DLC1: variants seen among roughly 807,000 people sequenced by gnomAD.
DLC1 encodes the protein rho GTPase-activating protein 7.
In DLC1, 54 loss-of-function variants were observed where a neutral mutation model predicts 140.3. The observed-to-expected ratio is 0.38, with a 90% CI of 0.31 to 0.48. The LOEUF is 0.48. Ranked by LOEUF, DLC1 falls within the 20% of genes least tolerant of loss-of-function variation. The pLI is 0.96. For synonymous variants in DLC1, 986 were observed against 728.1 expected, an observed-to-expected ratio of 1.35 and a Z score of -5.70; for missense variants, 2,536 against 1,907.0, an observed-to-expected ratio of 1.33 and a Z score of -6.14.
At position 13,501,780 on chromosome 8, in the gene DLC1, G is replaced by A. The variant is rs147236451; in HGVS notation, c.-125-1584C>T. On this transcript the variant is annotated intron_variant, in intron 1 of 17. Transcript: ENST00000276297. ...CAGCCTTCACATTTTCCATGTTGAC[G>A]TTCACTCTGCACTCAAAAGAAAATA... 1.6e-4 allele frequency among the ~76,000 whole-genome samples: 25 copies of A among 152,186 alleles called. No homozygotes were observed. In the East Asian group the frequency reaches 4.6e-3, roughly 28 times the overall value.
chr8:13,118,118 T>A (rs1011751124), intron 5 of DLC1, among the ~76,000 whole-genome samples: 4 of 150,098 alleles, frequency 2.7e-5, no homozygotes, highest in African/African-American at 9.9e-5. Context: ...CAAATGATCC[T>A]CCCACCTCCG....
At chr8:13,399,368 C>T (rs763492331) in intron 3 of DLC1, among the ~76,000 whole-genome samples, 1 of 152,138 alleles carries the variant, frequency 6.6e-6, no homozygotes, top group Admixed American at 6.6e-5. Flanking sequence ...CAAATCTCAC[C>T]TGCTGGGTGA....
intron 5 of DLC1, among the ~76,000 whole-genome samples, chr8:13,257,082 G>C (rs532765364): frequency 3.3e-5 from 5 of 151,982 alleles, no homozygotes; most frequent in Non-Finnish European, 7.4e-5. Context: ...TCGAGACCAA[G>C]TTCCACCCTA....
intron 6 of DLC1, among the ~76,000 whole-genome samples, chr8:13,112,002 T>G (rs905652318): frequency 1.3e-5 from 2 of 151,698 alleles, no homozygotes; most frequent in African/African-American, 4.8e-5. Context: ...CTAAAAAAAT[T>G]TTACTGGGCA....
intron 4 of DLC1, among the ~76,000 whole-genome samples, chr8:13,311,919 T>C (rs1012697612): frequency 1.3e-5 from 2 of 152,162 alleles, no homozygotes; most frequent in Non-Finnish European, 2.9e-5. Flanking sequence ...GACTCTGTCT[T>C]CAACAAATCC....
intron 4 of DLC1, among the ~76,000 whole-genome samples, chr8:13,318,924 G>A (rs1307514955): frequency 6.6e-6 from 1 of 152,202 alleles, no homozygotes; most frequent in East Asian, 1.9e-4. Flanking sequence ...TCACCAGACA[G>A]ATTGAATGCT....
intron 1 of DLC1, among the ~76,000 whole-genome samples, chr8:13,543,639 T>TAC (rs1803558497): frequency 6.6e-6 from 1 of 152,214 alleles, no homozygotes; most frequent in Non-Finnish European, 1.5e-5. Flanking sequence ...TTTATATATA[T>TAC]ACCAGAGAAT....
intron 4 of DLC1, among the ~76,000 whole-genome samples, chr8:13,319,643 T>C (rs1000174203): frequency 6.6e-6 from 1 of 152,040 alleles, no homozygotes; most frequent in African/African-American, 2.4e-5. Flanking sequence ...GATTGTCAGT[T>C]TCTTGAGACC....
rs200774562 is a variant in DLC1, at chr8:13,393,134, GTCCA to G, written c.1314+415_1314+418del. Among the ~76,000 whole-genome samples, 218 of 151,494 alleles carry G rather than the reference GTCCA, an allele frequency of 1.4e-3. 1 individual carries two copies. The highest frequency in any genetic ancestry group is 2.4e-3 in the Non-Finnish European group (162 of 67,852). ...TCCTTATCAATCAATCAGTCTATCTGTCCATCCATCCATCCATCCATCCATCCAT... is the reference window on the plus strand; with the variant it reads ...TCCTTATCAATCAATCAGTCTATCTGTCCATCCATCCATCCATCCATCCAT... On this transcript the variant is annotated intron_variant, in intron 4 of 17. Coordinates refer to ENST00000276297, the MANE Select transcript of DLC1 (RefSeq NM_182643.3).
intron 4 of DLC1, among the ~76,000 whole-genome samples, chr8:13,357,680 C>T (rs1318045881): frequency 2.0e-5 from 3 of 152,210 alleles, no homozygotes; most frequent in Admixed American, 2.0e-4. Context: ...TTTCATGAGT[C>T]AAATCCCAAT....
intron 2 of DLC1, among the ~76,000 whole-genome samples, chr8:13,422,762 T>C (rs137867593): frequency 1.3e-5 from 2 of 151,862 alleles, no homozygotes; most frequent in East Asian, 1.9e-4. Flanking sequence ...AAGGAGTTGA[T>C]ACTACATCTG....
At chr8:13,093,384 A>C (rs191536033) in intron 12 of DLC1, among the ~76,000 whole-genome samples, 3 of 152,308 alleles carry the variant, frequency 2.0e-5, no homozygotes, top group African/African-American at 7.2e-5. Context: ...AACTGAACTG[A>C]AAATATTCAG....
chr8:13,112,641 A>G (rs2128948406), intron 6 of DLC1, among the ~76,000 whole-genome samples: 1 of 152,376 alleles, frequency 6.6e-6, no homozygotes, highest in East Asian at 1.9e-4. Context: ...CTGGAGCACT[A>G]GTAAATGAGG....
chr8:13,433,963 C>T (rs776308740), intron 2 of DLC1, among the ~76,000 whole-genome samples: 2 of 152,298 alleles, frequency 1.3e-5, no homozygotes, highest in Middle Eastern at 6.8e-3. Flanking sequence ...TCAAGCAATT[C>T]TTCTGCCTCA....
At chr8:13,439,899 T>G (rs1798412890) in intron 2 of DLC1, among the ~76,000 whole-genome samples, 1 of 151,766 alleles carries the variant, frequency 6.6e-6, no homozygotes, top group African/African-American at 2.4e-5. Flanking sequence ...AGAAGTGAAA[T>G]TTTTTTTTCT....
chr8:13,484,777 G>A (rs982183966), intron 2 of DLC1, among the ~76,000 whole-genome samples: 1 of 151,836 alleles, frequency 6.6e-6, no homozygotes, highest in Non-Finnish European at 1.5e-5. Flanking sequence ...ACAGTCCCTG[G>A]AGGCCATCTG....
intron 5 of DLC1, among the ~76,000 whole-genome samples, chr8:13,146,572 A>C (rs1477901495): frequency 6.6e-6 from 1 of 151,904 alleles, no homozygotes; most frequent in Non-Finnish European, 1.5e-5. Context: ...TAGTAATTTG[A>C]TCTGTAAAGG....
chr8:13,288,676 T>A (rs918884787), intron 5 of DLC1, among the ~76,000 whole-genome samples: 3 of 152,202 alleles, frequency 2.0e-5, no homozygotes, highest in Non-Finnish European at 4.4e-5. Flanking sequence ...AGGTCTAGAA[T>A]AAGGAGATCC....
chr8:13,330,660 C>T (rs747625981), intron 4 of DLC1, among the ~76,000 whole-genome samples: 3 of 152,132 alleles, frequency 2.0e-5, no homozygotes, highest in Admixed American at 6.5e-5. Flanking sequence ...TGTTTCAAGG[C>T]CCAGGTCACA....
Sources: allele counts gnomAD v4.1 joint callset (sites outside exome capture counted in the v4.1 genomes callset), GRCh38; gene constraint gnomAD v4.1.1; transcripts MANE v1.5; gene names NCBI Gene and HGNC (gene_info 2026-07-23, HGNC 2026-07-21).